LIPJ: variants seen among roughly 807,000 people sequenced by gnomAD.
The protein encoded by LIPJ is lipase member J.
A neutral mutation model predicts 39.8 loss-of-function variants in LIPJ; 33 were observed. That is an observed-to-expected ratio of 0.83 (90% CI 0.63 to 1.11). The LOEUF is 1.11. Among genes scored for constraint, LIPJ ranks in the 50% least tolerant of loss-of-function variants. The probability of loss-of-function intolerance (pLI) is 0.00; values close to 1 mark genes in which losing one functional copy is unlikely to be tolerated. For synonymous variants in LIPJ, 128 were observed against 139.2 expected (o/e 0.92, Z 0.57); for missense variants, 422 against 427.9 (o/e 0.99, Z 0.12).
upstream of LIPJ, chr10:88,583,286 T>C: frequency 6.5e-7 from 1 of 1,549,992 alleles, no homozygotes. Context: ...TAGCGCTCTT[T>C]GGTTCCGTGC....
chr10:88,594,658 C>G lies in LIPJ; in HGVS notation c.330-9C>G, dbSNP rs1443070636. 1.4e-5 allele frequency: 19 copies of G among 1,387,340 alleles called. No homozygotes were observed. Among genetic ancestry groups the G allele is most frequent in the Admixed American group, 2.3e-5 (1 of 44,370 alleles). The allele number at this position is 1,387,340 out of a possible 1,614,324, so 85.9% of individuals were successfully genotyped here. A position where few individuals can be genotyped will look rare whatever the true frequency, so the allele number is the denominator to read the frequency against. On this transcript the variant is annotated splice_polypyrimidine_tract_variant and intron_variant, in intron 5 of 10. Coordinates refer to ENST00000371939, the Ensembl canonical transcript of LIPJ. ...AAGTGCTATTTTTATTTTCCTCTTT[C>G]TTTTGTAGTTTTGATGAGATGGCAA...
chr10:88,616,615 C>G, the LIPJ span, among the ~76,000 whole-genome samples: 4 of 152,324 alleles, frequency 2.6e-5, no homozygotes, highest in South Asian at 2.1e-4. Context: ...CGGCCGCCTA[C>G]AGAAGAAGTG....
chr10:88,606,617 A>C, intron 10 of LIPJ, 57 bp from the exon 11 acceptor site: 1 of 1,020,134 alleles, frequency 9.8e-7, no homozygotes, highest in Non-Finnish European at 1.5e-6. Context: ...TTAGTAATTA[A>C]AACCTTCTAC....
downstream of LIPJ, among the ~76,000 whole-genome samples, chr10:88,610,468 C>G (rs142608510): frequency 2.0e-5 from 3 of 152,270 alleles, no homozygotes; most frequent in South Asian, 6.2e-4. Context: ...AAGATATCCA[C>G]TCTTCCCAAA....
intron 6 of LIPJ, among the ~76,000 whole-genome samples, chr10:88,595,657 T>C (rs1851229468): frequency 1.3e-5 from 2 of 151,620 alleles, no homozygotes; most frequent in African/African-American, 4.8e-5. Flanking sequence ...ACTTACTATA[T>C]GATATATAAT....
chr10:88,616,757 G>A, the LIPJ span, among the ~76,000 whole-genome samples: 1 of 152,214 alleles, frequency 6.6e-6, no homozygotes, highest in Non-Finnish European at 1.5e-5. Context: ...GAGAAGGGGA[G>A]ATGAAGAGAG....
chr10:88,589,132 A>C (rs927553534), intron 2 of LIPJ, among the ~76,000 whole-genome samples: 14 of 151,910 alleles, frequency 9.2e-5, no homozygotes, highest in Non-Finnish European at 1.9e-4. Context: ...TAGTCTATAC[A>C]TTCCTTCTAG....
upstream of LIPJ, chr10:88,583,804 C>A (rs531429148): frequency 1.3e-6 from 1 of 751,506 alleles, no homozygotes; most frequent in African/African-American, 1.9e-5. Context: ...ATAACGTATA[C>A]CTTTCAAACT....
chr10:88,589,220 G>A (rs1349518733), intron 2 of LIPJ, among the ~76,000 whole-genome samples: 1 of 151,818 alleles, frequency 6.6e-6, no homozygotes. Flanking sequence ...TTAATACATT[G>A]TACAGACAGA....
At chr10:88,596,935 T>G (rs372958466) in exon 8 of LIPJ, 4 of 1,454,302 alleles carry the variant, frequency 2.8e-6, no homozygotes, top group Admixed American at 2.0e-5. Context: ...AACTTAAATA[T>G]GGTAAGAACA....
At chr10:88,591,195 A>G (rs1851068797) in intron 3 of LIPJ, among the ~76,000 whole-genome samples, 183 bp from the exon 4 acceptor site, 1 of 151,846 alleles carries the variant, frequency 6.6e-6, no homozygotes, top group African/African-American at 2.4e-5. Context: ...GCTGCTCAGT[A>G]GGTATTTTAC....
chr10:88,596,208 C>T, intron 6 of LIPJ, 72 bp from the exon 7 acceptor site: 1 of 999,658 alleles, frequency 1.0e-6, no homozygotes, highest in Non-Finnish European at 1.3e-6. Context: ...TCTTATTCTC[C>T]TTGGTGTCAT....
the LIPJ span, among the ~76,000 whole-genome samples, chr10:88,617,756 C>T: frequency 6.6e-6 from 1 of 152,130 alleles, no homozygotes; most frequent in African/African-American, 2.4e-5. Flanking sequence ...CAGAAAGCTC[C>T]TCTAAAGATA....
chr10:88,605,347 G>A (rs1207818095), intron 9 of LIPJ, among the ~76,000 whole-genome samples: 3 of 152,136 alleles, frequency 2.0e-5, no homozygotes, highest in Non-Finnish European at 4.4e-5. Flanking sequence ...GAGGGAGCCT[G>A]ATGTTACTTC....
At chr10:88,608,065 C>A (rs920626465), downstream of LIPJ, among the ~76,000 whole-genome samples, 3 of 152,172 alleles carry the variant, frequency 2.0e-5, no homozygotes, top group African/African-American at 7.2e-5. Flanking sequence ...CTTAACAAGG[C>A]CTGTCCTCAG....
chr10:88,615,768 A>G, the LIPJ span, among the ~76,000 whole-genome samples: 1 of 152,224 alleles, frequency 6.6e-6, no homozygotes, highest in African/African-American at 2.4e-5. Flanking sequence ...AAAATGGCAC[A>G]ATCATTTGGA....
downstream of LIPJ, chr10:88,607,008 A>T: frequency 7.8e-7 from 1 of 1,289,136 alleles, no homozygotes. Flanking sequence ...TTAAAACTAA[A>T]TATGTAGTTT....
At chr10:88,602,527 A>C (rs1378735869) in intron 8 of LIPJ, 49 bp from the exon 9 acceptor site, 3 of 1,324,968 alleles carry the variant, frequency 2.3e-6, no homozygotes, top group East Asian at 2.4e-5. Flanking sequence ...TATGCTCTCT[A>C]TGATTCAACT....
exon 7 of LIPJ, chr10:88,596,336 G>C: frequency 5.2e-6 from 8 of 1,549,526 alleles, no homozygotes; most frequent in Non-Finnish European, 7.0e-6. Context: ...AATATTTTTT[G>C]CTTTAGCACC....
Sources: allele counts gnomAD v4.1 joint callset (sites outside exome capture counted in the v4.1 genomes callset), GRCh38; gene constraint gnomAD v4.1.1; transcripts MANE v1.5; gene names NCBI Gene and HGNC (gene_info 2026-07-23, HGNC 2026-07-21).